MYO5B: variants seen among roughly 807,000 people sequenced by gnomAD.
MYO5B encodes myosin VB.
MYO5B carries 143 observed loss-of-function variants against 229.3 expected under a neutral mutation model. The observed-to-expected ratio is 0.62, with a 90% confidence interval of 0.54 to 0.72. The LOEUF (loss-of-function observed/expected upper bound fraction) is 0.72. Ranked by LOEUF, MYO5B falls within the 30% of genes least tolerant of loss-of-function variation. The pLI is 0.00. For synonymous variants in MYO5B, 918 were observed against 885.2 expected, an observed-to-expected ratio of 1.04 and a Z score of -0.66; for missense variants, 2,321 against 2,331.0, an observed-to-expected ratio of 1.00 and a Z score of 0.09.
chr18:49,898,261 G>A (rs756183959), intron 21 of MYO5B, among the ~76,000 whole-genome samples: 14 of 152,020 alleles, frequency 9.2e-5, no homozygotes, highest in Non-Finnish European at 1.9e-4. Flanking sequence ...TACATATAAC[G>A]AATTTAACAT....
Position 49,880,443 on chromosome 18 carries a change from G to T in MYO5B, c.3058C>A (p.Leu1020Met). The T allele has an allele frequency of 6.2e-7, 1 of 1,613,988 alleles. No homozygotes were observed. The highest frequency in any genetic ancestry group is 1.3e-5 in the African/African-American group (1 of 75,038). The change falls in exon 23 of 40, where the codon CTG becomes ATG. Residue 1020 changes from leucine to methionine, a missense_variant. Transcript: ENST00000285039. ...TTCAAGAGAGCATTTTCTTGCTCCA[G>T]GTCTGCAACTCGCTGGAAGAGAGCA... ...KDELRKRVAD[L>M]EQENALLKDE...
chr18:50,043,540 A>T, intron 2 of MYO5B, among the ~76,000 whole-genome samples: 4 of 122,936 alleles, frequency 3.3e-5, no homozygotes, highest in African/African-American at 1.3e-4. Flanking sequence ...TATTTTATAT[A>T]TAAATATAAA....
At chr18:49,984,632 G>A in intron 8 of MYO5B, 86 bp downstream of exon 8, 1 of 1,064,168 alleles carries the variant, frequency 9.4e-7, no homozygotes, top group African/African-American at 1.6e-5. Flanking sequence ...CAGGTTGCTG[G>A]CAAGCACAGT....
intron 4 of MYO5B, among the ~76,000 whole-genome samples, chr18:50,022,977 G>T (rs567377720): frequency 6.6e-6 from 1 of 152,142 alleles, no homozygotes; most frequent in Admixed American, 6.6e-5. Context: ...ATTGTTGGAG[G>T]AGGCAACTGA....
intron 14 of MYO5B, among the ~76,000 whole-genome samples, chr18:49,942,929 G>A (rs1367478962): frequency 4.0e-5 from 6 of 151,796 alleles, no homozygotes; most frequent in South Asian, 4.2e-4. Context: ...TATTTATTGC[G>A]GCACTATTCA....
intron 39 of MYO5B, among the ~76,000 whole-genome samples, chr18:49,832,775 T>C (rs568147738): frequency 1.3e-5 from 2 of 152,186 alleles, no homozygotes; most frequent in African/African-American, 4.8e-5. Context: ...AAAAGTGGTT[T>C]GAAATAATGG....
At chr18:50,095,809 C>T (rs1054824416) in intron 1 of MYO5B, among the ~76,000 whole-genome samples, 1 of 152,254 alleles carries the variant, frequency 6.6e-6, no homozygotes, top group South Asian at 2.1e-4. Flanking sequence ...CCATATGGGT[C>T]ATGCCACTGA....
intron 1 of MYO5B, among the ~76,000 whole-genome samples, chr18:50,114,812 G>GC (rs1225977549): frequency 2.0e-5 from 3 of 152,196 alleles, no homozygotes. Flanking sequence ...CACAGGTGGA[G>GC]CAGGTGTGGT....
chr18:50,067,869 G>T (rs554984871), intron 1 of MYO5B, among the ~76,000 whole-genome samples: 2 of 152,178 alleles, frequency 1.3e-5, no homozygotes, highest in Non-Finnish European at 2.9e-5. Flanking sequence ...AACTAAAAAC[G>T]GACTAAGACA....
At chr18:50,022,322 G>A (rs527390106) in intron 4 of MYO5B, among the ~76,000 whole-genome samples, 1 of 152,126 alleles carries the variant, frequency 6.6e-6, no homozygotes, top group South Asian at 2.1e-4. Context: ...TGTTCTAATG[G>A]CAATTAAATA....
chr18:49,840,794 G>A (rs1208636133), intron 35 of MYO5B, among the ~76,000 whole-genome samples: 1 of 152,200 alleles, frequency 6.6e-6, no homozygotes, highest in Non-Finnish European at 1.5e-5. Flanking sequence ...TTACAGGTCC[G>A]GTGTGGATTG....
At chr18:50,080,857 G>T (rs55745356) in intron 1 of MYO5B, among the ~76,000 whole-genome samples, 6,867 of 152,222 alleles carry the variant, frequency 0.045, 169 homozygotes, top group African/African-American at 0.062. Context: ...ATGCAGCAGG[G>T]AAGAAGGCAT....
At chr18:50,148,378 G>C (rs11082804) in intron 1 of MYO5B, among the ~76,000 whole-genome samples, 15,262 of 147,882 alleles carry the variant, frequency 0.1, 861 homozygotes, top group East Asian at 0.21. Context: ...AGAGACACAA[G>C]CAAAAAAGAG....
chr18:50,157,796 A>G (rs780349108), intron 1 of MYO5B, among the ~76,000 whole-genome samples: 5 of 152,248 alleles, frequency 3.3e-5, no homozygotes, highest in East Asian at 1.9e-4. Context: ...CTGTTAGATC[A>G]TAAGATGTAT....
intron 1 of MYO5B, among the ~76,000 whole-genome samples, chr18:50,187,438 G>T (rs8086036): frequency 0.5 from 76,062 of 151,782 alleles, 19,206 homozygotes; most frequent in Admixed American, 0.59. Flanking sequence ...TTGCCCAAAA[G>T]TCACAACCTC....
intron 1 of MYO5B, among the ~76,000 whole-genome samples, chr18:50,165,195 C>T (rs1423324688): frequency 6.6e-6 from 1 of 152,170 alleles, no homozygotes; most frequent in Admixed American, 6.5e-5. Flanking sequence ...ATAACCTGGG[C>T]CAGGCACAGT....
intron 26 of MYO5B, among the ~76,000 whole-genome samples, chr18:49,874,455 C>A (rs1457188135): frequency 6.6e-6 from 1 of 152,172 alleles, no homozygotes; most frequent in African/African-American, 2.4e-5. Context: ...TTCAATGAGT[C>A]ATTTAGAAAC....
intron 1 of MYO5B, among the ~76,000 whole-genome samples, chr18:50,057,455 G>A (rs539071886): frequency 2.0e-5 from 3 of 152,308 alleles, no homozygotes; most frequent in South Asian, 2.1e-4. Flanking sequence ...GGAACCGAAC[G>A]GAGGTGATGT....
intron 1 of MYO5B, among the ~76,000 whole-genome samples, chr18:50,133,791 T>G (rs947468020): frequency 1.3e-5 from 2 of 152,058 alleles, no homozygotes; most frequent in African/African-American, 4.8e-5. Flanking sequence ...GACTCCGCAT[T>G]CTTCATCAGC....
Sources: allele counts gnomAD v4.1 joint callset (sites outside exome capture counted in the v4.1 genomes callset), GRCh38; gene constraint gnomAD v4.1.1; transcripts MANE v1.5; gene names NCBI Gene and HGNC (gene_info 2026-07-23, HGNC 2026-07-21).